The following CAPZA3 variants were observed in gnomAD, a reference collection of about 807,000 sequenced individuals.
CAPZA3 encodes F-actin-capping protein subunit alpha-3.
A neutral mutation model predicts 23.6 loss-of-function variants in CAPZA3; 22 were observed. The ratio of observed to expected loss-of-function variants is 0.93; its 90% confidence interval spans 0.67 to 1.33. The LOEUF is 1.33. CAPZA3 is among the 40% of genes most tolerant of loss of function. CAPZA3 has a pLI of 0.00. For synonymous variants in CAPZA3, 142 were observed against 126.5 expected (o/e 1.12, Z -0.82); for missense variants, 357 against 345.9 (o/e 1.03, Z -0.25).
In CAPZA3 at chr12:18,738,256, G is replaced by C; in HGVS notation, c.-13G>C. The C allele has an allele frequency of 6.3e-7, 1 of 1,584,242 alleles. No homozygotes were observed. Among genetic ancestry groups the C allele is most frequent in the Non-Finnish European group, 8.6e-7 (1 of 1,166,248 alleles). On this transcript the variant is annotated 5_prime_UTR_variant, in exon 1 of 1. Coordinates refer to ENST00000317658, the MANE Select transcript of CAPZA3 (RefSeq NM_033328.3). ...TCCTCATTTCAGAAGCTTTGCTTCTGTTGCAACCAAACATGACACTTAGCG... is the reference window on the plus strand; with the variant it reads ...TCCTCATTTCAGAAGCTTTGCTTCTCTTGCAACCAAACATGACACTTAGCG...
At position 18,739,058 on chromosome 12, in the gene CAPZA3, C is replaced by T. The variant is rs1188896876; in HGVS notation, c.790C>T (p.Arg264Cys). The change falls in exon 1 of 1, where the codon CGC becomes TGC. Residue 264 changes from arginine (R) to cysteine (C), a missense_variant. Coordinates refer to ENST00000317658, the MANE Select transcript of CAPZA3 (RefSeq NM_033328.3). ...TCTACGAAGGGATCTTCCAGTGACC[C>T]GCACTCTTATTGACTGGCACAGGAT... Reference protein sequence around the residue: ...KILRRDLPVTRTLIDWHRILS... With the variant: ...KILRRDLPVTCTLIDWHRILS... The T allele has an allele frequency of 1.9e-6, 3 of 1,611,926 alleles. No homozygotes were observed. In the East Asian group the frequency reaches 6.7e-5, roughly 36 times the overall value.
At position 18,739,070 on chromosome 12, in the gene CAPZA3, G is replaced by A. The variant is rs1400494545; in HGVS notation, c.802G>A (p.Asp268Asn). Reference sequence around the variant, plus strand: ...TCTTCCAGTGACCCGCACTCTTATTGACTGGCACAGGATACTCTCTGACTT... The same window carrying A: ...TCTTCCAGTGACCCGCACTCTTATTAACTGGCACAGGATACTCTCTGACTT... ...RDLPVTRTLI[D>N]WHRILSDLNL... Residue 268 changes from aspartate (D) to asparagine (N), a missense_variant, in exon 1 of 1, where the codon GAC (aspartate) becomes AAC (asparagine). By Grantham distance (23) the Asp-to-Asn change is conservative. Coordinates refer to ENST00000317658, the MANE Select transcript of CAPZA3 (RefSeq NM_033328.3). The A allele has an allele frequency of 6.2e-7, 1 of 1,612,452 alleles. No individual in the cohort carries two copies. Among genetic ancestry groups the A allele is most frequent in the East Asian group, 2.2e-5 (1 of 44,864 alleles).
chr12:18,738,614 T>C lies in CAPZA3; in HGVS notation c.346T>C (p.Tyr116His). 6.2e-7 allele frequency: 1 copy of C among 1,614,046 alleles called. No homozygotes were observed. The highest frequency in any genetic ancestry group is 8.5e-7 in the Non-Finnish European group (1 of 1,179,950). ...SHGIIQNEAE[Y>H]LRVVLLCALK... is the part of the protein sequence containing the mutation. ...TGGTATCATTCAGAATGAGGCAGAA[T>C]ACCTGAGAGTTGTTCTTCTGTGCGC... Residue 116 changes from tyrosine (Y) to histidine (H), a missense_variant, in exon 1 of 1, where the codon TAC (tyrosine) becomes CAC (histidine). Tyr to His is a moderately conservative substitution (Grantham distance 83, BLOSUM62 2). Coordinates refer to ENST00000317658, the MANE Select transcript of CAPZA3 (RefSeq NM_033328.3).
Position 18,738,434 on chromosome 12 carries a change from T to G in CAPZA3, c.166T>G (p.Cys56Gly). Residue 56 changes from cysteine (C) to glycine (G), a missense_variant, in exon 1 of 1, where the codon TGC (cysteine) becomes GGC (glycine). Physicochemically the swap from Cys to Gly is radical, Grantham distance 159. Transcript: ENST00000317658. ...HQGECAGHQHCQKYSVPLCID... is the reference protein window; with the variant it reads ...HQGECAGHQHGQKYSVPLCID... ...AGGTGAGTGTGCAGGCCACCAACAC[T>G]GCCAAAAATATTCTGTACCACTCTG... 2 of 1,614,152 alleles carry G rather than the reference T, an allele frequency of 1.2e-6. No homozygotes were observed. Among genetic ancestry groups the G allele is most frequent in the Non-Finnish European group, 1.7e-6 (2 of 1,180,006 alleles).
rs1959644791 is a variant in CAPZA3 at position 18,738,233 on chromosome 12, C to T, written c.-36C>T. On this transcript the variant is annotated 5_prime_UTR_variant, in exon 1 of 1. Transcript: ENST00000317658. ...ATGTTTTCTTATCCTTTGAACACTC[C>T]TCATTTCAGAAGCTTTGCTTCTGTT... The T allele has an allele frequency of 1.3e-6, 2 of 1,553,102 alleles. No homozygotes were observed. Among genetic ancestry groups the T allele is most frequent in the East Asian group, 2.2e-5 (1 of 44,548 alleles).
chr12:18,739,144 T>C lies in CAPZA3; in HGVS notation c.876T>C (p.Ser292=). The C allele has an allele frequency of 6.2e-7, 1 of 1,609,764 alleles. No homozygotes were observed. Among genetic ancestry groups the C allele is most frequent in the Non-Finnish European group, 8.5e-7 (1 of 1,177,112 alleles). ...PKLGYVIYSR[S]VLCNWII is the part of the protein sequence containing the mutation. Reference sequence around the variant, plus strand: ...TAGGATATGTCATTTATTCAAGAAGTGTGTTGTGCAACTGGATAATATAAA... The same window carrying C: ...TAGGATATGTCATTTATTCAAGAAGCGTGTTGTGCAACTGGATAATATAAA... The change falls in exon 1 of 1, where the codon AGT becomes AGC. Residue 292 remains serine (S), a synonymous_variant. Coordinates refer to ENST00000317658, the MANE Select transcript of CAPZA3 (RefSeq NM_033328.3).
In CAPZA3 at chr12:18,739,059, G is replaced by C; in HGVS notation, c.791G>C (p.Arg264Pro). ...KILRRDLPVT[R>P]TLIDWHRILS... ...CTACGAAGGGATCTTCCAGTGACCC[G>C]CACTCTTATTGACTGGCACAGGATA... The change falls in exon 1 of 1, where the codon CGC (arginine) becomes CCC (proline). Residue 264 changes from arginine to proline, a missense_variant. Transcript: ENST00000317658. 1 of 1,611,906 alleles carries C rather than the reference G, an allele frequency of 6.2e-7. No homozygotes were observed. The highest frequency in any genetic ancestry group is 8.5e-7 in the Non-Finnish European group (1 of 1,179,798).
rs201991985 is a variant in CAPZA3, at chr12:18,738,644, A to C, written c.376A>C (p.Lys126Gln). Residue 126 changes from lysine to glutamine, a missense_variant, in exon 1 of 1, where the codon AAA becomes CAA. Physicochemically the swap from Lys to Gln is moderately conservative, Grantham distance 53. Coordinates refer to ENST00000317658, the MANE Select transcript of CAPZA3 (RefSeq NM_033328.3). ...GAGAGTTGTTCTTCTGTGCGCCTTAAAACTGTATGTGAATGACCACTATCC... is the reference window on the plus strand; with the variant it reads ...GAGAGTTGTTCTTCTGTGCGCCTTACAACTGTATGTGAATGACCACTATCC... ...YLRVVLLCALKLYVNDHYPKG... is the reference protein window; with the variant it reads ...YLRVVLLCALQLYVNDHYPKG... 1 of 1,614,080 alleles carries C rather than the reference A, an allele frequency of 6.2e-7. No individual in the cohort carries two copies. Among genetic ancestry groups the C allele is most frequent in the Non-Finnish European group, 8.5e-7 (1 of 1,179,990 alleles).
rs945004159 is a variant in CAPZA3 at position 18,738,137 on chromosome 12, T to G, written c.-132T>G. 2 of 839,774 alleles carry G rather than the reference T, an allele frequency of 2.4e-6. No homozygotes were observed. The highest frequency in any genetic ancestry group is 4.9e-5 in the East Asian group (2 of 40,688). The allele number at this position is 839,774 out of a possible 1,614,324, so 52.0% of individuals were successfully genotyped here. A position where few individuals can be genotyped will look rare whatever the true frequency, so the allele number is the denominator to read the frequency against. On this transcript the variant is annotated 5_prime_UTR_variant, in exon 1 of 1. Coordinates refer to ENST00000317658, the MANE Select transcript of CAPZA3 (RefSeq NM_033328.3). ...GAGGCTCAGACCTTGCCAGACTGCC[T>G]GCTTTCATGGATAGACATAAAAACC... is the stretch of plus-strand genomic sequence containing the variant.
chr12:18,738,760 G>A lies in CAPZA3; in HGVS notation c.492G>A (p.Glu164=), dbSNP rs760833481. 5 of 1,614,082 alleles carry A rather than the reference G, an allele frequency of 3.1e-6. No homozygotes were observed. Among genetic ancestry groups the A allele is most frequent in the Non-Finnish European group, 4.2e-6 (5 of 1,179,978 alleles). Residue 164 remains glutamate, a synonymous_variant, in exon 1 of 1, where the codon GAG becomes GAA. Transcript: ENST00000317658. ...CIEDHNYETG[E]CWNGLWKSKW... ...AAGATCACAACTATGAAACAGGAGA[G>A]TGCTGGAACGGACTTTGGAAATCTA...
chr12:18,738,843 A>C lies in CAPZA3; in HGVS notation c.575A>C (p.Gln192Pro). 6.2e-7 allele frequency: 1 copy of C among 1,614,062 alleles called. No homozygotes were observed. Among genetic ancestry groups the C allele is most frequent in the Non-Finnish European group, 8.5e-7 (1 of 1,179,966 alleles). Residue 192 changes from glutamine (Q) to proline (P), a missense_variant, in exon 1 of 1, where the codon CAA (glutamine) becomes CCA (proline). By Grantham distance (76) the Gln-to-Pro change is moderately conservative (BLOSUM62 -1). Transcript: ENST00000317658. ...LTQVTGRIFV[Q>P]AHFFRCVNLH... Reference sequence around the variant, plus strand: ...CAAGTAACGGGAAGAATATTTGTGCAAGCTCACTTCTTCAGGTGTGTCAAC... The same window carrying C: ...CAAGTAACGGGAAGAATATTTGTGCCAGCTCACTTCTTCAGGTGTGTCAAC...
chr12:18,738,160 A>G lies in CAPZA3; in HGVS notation c.-109A>G. 3.8e-6 allele frequency: 4 copies of G among 1,057,300 alleles called. No individual in the cohort carries two copies. The highest frequency in any genetic ancestry group is 5.5e-6 in the Non-Finnish European group (4 of 722,136). 65.5% of individuals were successfully genotyped at this position (1,057,300 alleles called of 1,614,324 possible). On this transcript the variant is annotated 5_prime_UTR_variant, in exon 1 of 1. Transcript: ENST00000317658. ...CCTGCTTTCATGGATAGACATAAAA[A>G]CCTTCAGCTTGAATGTTAACACCTT...
chr12:18,738,433 C>T lies in CAPZA3; in HGVS notation c.165C>T (p.His55=). Residue 55 remains histidine (H), a synonymous_variant, in exon 1 of 1, where the codon CAC becomes CAT. Coordinates refer to ENST00000317658, the MANE Select transcript of CAPZA3 (RefSeq NM_033328.3). Reference sequence around the variant, plus strand: ...AAGGTGAGTGTGCAGGCCACCAACACTGCCAAAAATATTCTGTACCACTCT... The same window carrying T: ...AAGGTGAGTGTGCAGGCCACCAACATTGCCAAAAATATTCTGTACCACTCT... ...HHQGECAGHQ[H]CQKYSVPLCI... 6.2e-7 allele frequency: 1 copy of T among 1,614,142 alleles called. No homozygotes were observed. The highest frequency in any genetic ancestry group is 8.5e-7 in the Non-Finnish European group (1 of 1,179,994).
rs773588762 is a variant in CAPZA3 at position 18,738,228 on chromosome 12, C to T, written c.-41C>T. 2.0e-6 allele frequency: 3 copies of T among 1,531,508 alleles called. No individual in the cohort carries two copies. Among genetic ancestry groups the T allele is most frequent in the South Asian group, 1.3e-5 (1 of 78,446 alleles). 94.9% of individuals were successfully genotyped at this position (1,531,508 alleles called of 1,614,324 possible). A position where few individuals can be genotyped will look rare whatever the true frequency, so the allele number is the denominator to read the frequency against. Reference sequence around the variant, plus strand: ...ATGGAATGTTTTCTTATCCTTTGAACACTCCTCATTTCAGAAGCTTTGCTT... The same window carrying T: ...ATGGAATGTTTTCTTATCCTTTGAATACTCCTCATTTCAGAAGCTTTGCTT... On this transcript the variant is annotated 5_prime_UTR_variant, in exon 1 of 1. Transcript: ENST00000317658.
In CAPZA3 at chr12:18,738,892, C is replaced by A; in HGVS notation, c.624C>A (p.Asp208Glu). The A allele has an allele frequency of 6.2e-7, 1 of 1,613,962 alleles. No individual in the cohort carries two copies. Among genetic ancestry groups the A allele is most frequent in the Non-Finnish European group, 8.5e-7 (1 of 1,179,962 alleles). Residue 208 changes from aspartate (D) to glutamate (E), a missense_variant, in exon 1 of 1, where the codon GAC (aspartate) becomes GAA (glutamate). Transcript: ENST00000317658. ...ACCTTCATATTGAAATATCCAAGGA[C>A]CTGAAAGAAAGCTTGGAAATAGTTA... ...CVNLHIEISK[D>E]LKESLEIVNQ...
In CAPZA3 at chr12:18,738,787, A is replaced by G. The variant is rs1474685807; in HGVS notation, c.519A>G (p.Lys173=). The change falls in exon 1 of 1, where the codon AAA becomes AAG. Residue 173 remains lysine, a synonymous_variant. Coordinates refer to ENST00000317658, the MANE Select transcript of CAPZA3 (RefSeq NM_033328.3). The part of the protein sequence containing the change: ...GECWNGLWKS[K]WIFQVNPFLT... Reference sequence around the variant, plus strand: ...GCTGGAACGGACTTTGGAAATCTAAATGGATTTTCCAAGTTAACCCATTTC... The same window carrying G: ...GCTGGAACGGACTTTGGAAATCTAAGTGGATTTTCCAAGTTAACCCATTTC... 6.2e-7 allele frequency: 1 copy of G among 1,614,114 alleles called. No homozygotes were observed. Among genetic ancestry groups the G allele is most frequent in the South Asian group, 1.1e-5 (1 of 91,084 alleles).
Position 18,738,149 on chromosome 12 carries a change from T to C in CAPZA3, c.-120T>C, listed in dbSNP as rs1268758741. 9.6e-6 allele frequency: 9 copies of C among 933,320 alleles called. No homozygotes were observed. The highest frequency in any genetic ancestry group is 1.5e-5 in the Non-Finnish European group (9 of 613,084). The allele number at this position is 933,320 out of a possible 1,614,324, so 57.8% of individuals were successfully genotyped here. A position where few individuals can be genotyped will look rare whatever the true frequency, so the allele number is the denominator to read the frequency against. ...TTGCCAGACTGCCTGCTTTCATGGA[T>C]AGACATAAAAACCTTCAGCTTGAAT... On this transcript the variant is annotated 5_prime_UTR_variant, in exon 1 of 1. Transcript: ENST00000317658.
rs1462460514 is a variant in CAPZA3, at chr12:18,739,065, T to A, written c.797T>A (p.Leu266His). 1.2e-6 allele frequency: 2 copies of A among 1,612,498 alleles called. No individual in the cohort carries two copies. The highest frequency in any genetic ancestry group is 3.3e-5 in the Admixed American group (2 of 59,968). The change falls in exon 1 of 1, where the codon CTT becomes CAT. Residue 266 changes from leucine (L) to histidine (H), a missense_variant. Transcript: ENST00000317658. ...AGGGATCTTCCAGTGACCCGCACTC[T>A]TATTGACTGGCACAGGATACTCTCT... ...LRRDLPVTRT[L>H]IDWHRILSDL...
In CAPZA3 at chr12:18,738,821, G is replaced by A; in HGVS notation, c.553G>A (p.Val185Ile). 6.2e-7 allele frequency: 1 copy of A among 1,614,038 alleles called. No individual in the cohort carries two copies. The highest frequency in any genetic ancestry group is 1.1e-5 in the South Asian group (1 of 91,088). ...IFQVNPFLTQ[V>I]TGRIFVQAHF... ...CCAAGTTAACCCATTTCTAACCCAAGTAACGGGAAGAATATTTGTGCAAGC... is the reference window on the plus strand; with the variant it reads ...CCAAGTTAACCCATTTCTAACCCAAATAACGGGAAGAATATTTGTGCAAGC... Residue 185 changes from valine to isoleucine, a missense_variant, in exon 1 of 1, where the codon GTA becomes ATA. By Grantham distance (29) the Val-to-Ile change is conservative. Coordinates refer to ENST00000317658, the MANE Select transcript of CAPZA3 (RefSeq NM_033328.3).
Sources: gnomAD v4.1 joint callset for allele counts on GRCh38, gnomAD v4.1.1 for gene constraint, MANE v1.5 for transcripts, NCBI Gene and HGNC (gene_info 2026-07-23, HGNC 2026-07-21) for gene names.